ESR1: variants seen among roughly 807,000 people sequenced by gnomAD.
The protein encoded by ESR1 is estrogen receptor 1, also known as estrogen receptor.
ESR1 carries 12 observed loss-of-function variants against 52.7 expected under a neutral mutation model. That is an observed-to-expected ratio of 0.23 (90% confidence interval 0.15 to 0.37). The LOEUF is 0.37. Among genes scored for constraint, ESR1 ranks in the 10% least tolerant of loss-of-function variants. The pLI, the probability that ESR1 is intolerant of heterozygous loss-of-function variation, is 1.00. For synonymous variants in ESR1, 305 were observed against 316.8 expected (o/e 0.96, Z 0.39); for missense variants, 584 against 779.7 (o/e 0.75, Z 2.99).
chr6:152,008,118 A>G (rs567350144), intron 4 of ESR1, among the ~76,000 whole-genome samples: 2 of 152,268 alleles, frequency 1.3e-5, no homozygotes, highest in South Asian at 4.1e-4. Flanking sequence ...AAAGGTAGTT[A>G]GATGCTGTGT....
chr6:151,777,123 C>CTTTTTT (rs768370394), intron 2 of ESR1, among the ~76,000 whole-genome samples: 1 of 133,542 alleles, frequency 7.5e-6, no homozygotes, highest in African/African-American at 2.9e-5. Flanking sequence ...CTTTTCTTTT[C>CTTTTTT]TTTTTTTTTT....
chr6:151,916,255 G>A (rs1470206401), intron 3 of ESR1, among the ~76,000 whole-genome samples: 3 of 152,176 alleles, frequency 2.0e-5, no homozygotes, highest in Admixed American at 1.3e-4. Flanking sequence ...GAAAAGGAAC[G>A]TGGAATTTCT....
At chr6:151,837,033 T>C (rs1206356182) in intron 1 of ESR1, among the ~76,000 whole-genome samples, 1 of 152,150 alleles carries the variant, frequency 6.6e-6, no homozygotes, top group Non-Finnish European at 1.5e-5. Flanking sequence ...AAAATTTTAT[T>C]GGCCCATAGT....
chr6:151,838,627 C>G (rs1249827074), intron 1 of ESR1, among the ~76,000 whole-genome samples: 1 of 152,148 alleles, frequency 6.6e-6, no homozygotes, highest in Non-Finnish European at 1.5e-5. Context: ...GAAGACCGCT[C>G]TTGCCTTTTA....
At chr6:152,085,781 T>A (rs962213755) in intron 6 of ESR1, among the ~76,000 whole-genome samples, 7 of 152,126 alleles carry the variant, frequency 4.6e-5, no homozygotes, top group African/African-American at 1.7e-4. Flanking sequence ...TTTCTGTTGA[T>A]TACAAGTGAG....
intron 6 of ESR1, among the ~76,000 whole-genome samples, chr6:152,123,075 A>G (rs2051952300): frequency 6.6e-6 from 1 of 152,228 alleles, no homozygotes; most frequent in Non-Finnish European, 1.5e-5. Flanking sequence ...TATCATGAAC[A>G]TTGTTAAGCA....
chr6:151,935,594 G>C (rs1471657675), intron 3 of ESR1, among the ~76,000 whole-genome samples: 1 of 152,196 alleles, frequency 6.6e-6, no homozygotes. Flanking sequence ...TGTCCTTGTA[G>C]CTTTTGTGAT....
intron 2 of ESR1, among the ~76,000 whole-genome samples, chr6:151,879,430 G>A (rs1028156090): frequency 3.3e-5 from 5 of 152,096 alleles, no homozygotes; most frequent in East Asian, 3.9e-4. Flanking sequence ...ATGTGCAGAC[G>A]TTTCTGAGTT....
intron 2 of ESR1, among the ~76,000 whole-genome samples, chr6:151,713,086 T>C (rs1018167722): frequency 2.6e-5 from 4 of 152,190 alleles, no homozygotes; most frequent in African/African-American, 9.7e-5. Flanking sequence ...TTTTCATCTA[T>C]TGAGATAATC....
At chr6:152,011,304 A>T (rs9340970) in intron 4 of ESR1, among the ~76,000 whole-genome samples, 1 of 152,154 alleles carries the variant, frequency 6.6e-6, no homozygotes, top group East Asian at 1.9e-4. Context: ...TCTTCTACTC[A>T]AACAGAAATG....
intron 1 of ESR1, among the ~76,000 whole-genome samples, chr6:151,835,408 C>T (rs1245314559): frequency 6.6e-6 from 1 of 152,036 alleles, no homozygotes; most frequent in African/African-American, 2.4e-5. Flanking sequence ...GAGGGCAGAG[C>T]CCTGAGGAAC....
At chr6:151,678,629 C>T (rs1041620646) in intron 1 of ESR1, among the ~76,000 whole-genome samples, 9 of 151,388 alleles carry the variant, frequency 5.9e-5, no homozygotes, top group Admixed American at 2.0e-4. Flanking sequence ...GAAGTGTTTC[C>T]GGGGAAGGAG....
At chr6:151,770,547 A>G (rs975029330) in intron 2 of ESR1, among the ~76,000 whole-genome samples, 7 of 152,228 alleles carry the variant, frequency 4.6e-5, no homozygotes, top group Non-Finnish European at 1.0e-4. Context: ...TGTTTAACCA[A>G]CTGAAGCTGG....
At chr6:151,683,797 C>G (rs1452612529) in intron 1 of ESR1, among the ~76,000 whole-genome samples, 2 of 151,262 alleles carry the variant, frequency 1.3e-5, no homozygotes, top group Non-Finnish European at 2.9e-5. Context: ...CTCCCAGGTT[C>G]AAGCAATTCT....
chr6:151,887,394 A>G (rs1001536111), intron 3 of ESR1, among the ~76,000 whole-genome samples: 1 of 152,062 alleles, frequency 6.6e-6, no homozygotes, highest in Non-Finnish European at 1.5e-5. Context: ...TTATTTGCAA[A>G]CAAATATACT....
intron 3 of ESR1, among the ~76,000 whole-genome samples, chr6:151,897,650 T>C (rs1795753443): frequency 6.6e-6 from 1 of 152,206 alleles, no homozygotes. Flanking sequence ...ATTCTGTATC[T>C]TTTAAGTGGA....
intron 2 of ESR1, among the ~76,000 whole-genome samples, chr6:151,713,913 T>G (rs1309122665): frequency 6.6e-6 from 1 of 152,200 alleles, no homozygotes; most frequent in African/African-American, 2.4e-5. Context: ...GCTTCTCTAG[T>G]TCTTTTAATT....
At chr6:151,864,220 A>G (rs1254237081) in intron 2 of ESR1, among the ~76,000 whole-genome samples, 1 of 152,218 alleles carries the variant, frequency 6.6e-6, no homozygotes, top group African/African-American at 2.4e-5. Context: ...TCCAGAATCT[A>G]CAAAGAACTC....
At chr6:151,840,562 G>A (rs1472411728) in intron 1 of ESR1, among the ~76,000 whole-genome samples, 1 of 152,188 alleles carries the variant, frequency 6.6e-6, no homozygotes, top group Non-Finnish European at 1.5e-5. Context: ...CCACAAAATT[G>A]TGAACCATAA....
Sources: gnomAD v4.1 joint callset for allele counts (sites outside exome capture counted in the v4.1 genomes callset) on GRCh38, gnomAD v4.1.1 for gene constraint, MANE v1.5 for transcripts, NCBI Gene and HGNC (gene_info 2026-07-23, HGNC 2026-07-21) for gene names.